The following VCL variants were observed in gnomAD, a reference collection of about 807,000 sequenced individuals.
VCL encodes epididymis luminal protein 114.
A neutral mutation model predicts 125.7 loss-of-function variants in VCL; 47 were observed. The ratio of observed to expected loss-of-function variants is 0.37; its 90% CI spans 0.30 to 0.48. The LOEUF (loss-of-function observed/expected upper bound fraction) is 0.48, where lower values mean the gene tolerates loss of function less well. Among genes scored for constraint, VCL ranks in the 20% least tolerant of loss-of-function variants. The pLI is 0.99. For synonymous variants in VCL, 458 were observed against 514.6 expected (o/e 0.89, Z 1.49); for missense variants, 1,069 against 1,455.5 (o/e 0.73, Z 4.32).
intron 1 of VCL, among the ~76,000 whole-genome samples, chr10:74,011,970 AG>A (rs1840444743): frequency 6.6e-6 from 1 of 152,364 alleles, no homozygotes; most frequent in Non-Finnish European, 1.5e-5. Flanking sequence ...ATGACTTTTA[AG>A]GGGAAAGTGG....
intron 1 of VCL, among the ~76,000 whole-genome samples, chr10:74,003,995 A>G (rs1267441725): frequency 6.6e-6 from 1 of 152,206 alleles, no homozygotes; most frequent in Admixed American, 6.5e-5. Flanking sequence ...TGCTGGGATT[A>G]TAGGCATGAT....
At position 74,072,788 on chromosome 10, in the gene VCL, G is replaced by C. The variant is rs1456753342; in HGVS notation, c.558G>C (p.Glu186Asp). The part of the protein sequence containing the change: ...DERQQELTHQ[E>D]HRVMLVNSMN... ...GACAGCAGGAGCTCACTCACCAGGA[G>C]CACCGAGTGATGTTGGTGAACTCGA... The change falls in exon 5 of 22, where the codon GAG becomes GAC. Residue 186 changes from glutamate (E) to aspartate (D), a missense_variant. By Grantham distance (45) the Glu-to-Asp change is conservative (BLOSUM62 2). Coordinates refer to ENST00000211998, the MANE Select transcript of VCL (RefSeq NM_014000.3). 2 of 1,614,114 alleles carry C rather than the reference G, an allele frequency of 1.2e-6. No individual in the cohort carries two copies. The highest frequency in any genetic ancestry group is 4.5e-5 in the East Asian group (2 of 44,872).
chr10:74,086,949 T>C (rs568692167), intron 8 of VCL, among the ~76,000 whole-genome samples: 10 of 152,322 alleles, frequency 6.6e-5, no homozygotes, highest in African/African-American at 2.4e-4. Flanking sequence ...ATAAAATCTT[T>C]CTGTTTTGAA....
chr10:74,084,258 G>A (rs557892232), intron 8 of VCL, among the ~76,000 whole-genome samples: 1 of 152,162 alleles, frequency 6.6e-6, no homozygotes, highest in South Asian at 2.1e-4. Context: ...ACCATGCCTG[G>A]CCTGACTTTA....
rs1350573071 is a variant in VCL at position 74,071,361 on chromosome 10, A to G, written c.499+278A>G. On this transcript the variant is annotated intron_variant, in intron 4 of 21. Transcript: ENST00000211998. The surrounding 1 kb of genome is among the most constrained non-coding windows in gnomAD (Gnocchi z 4.1). ...GTAGGAAATACTTTTCTGTTACTGT[A>G]ATGCTGAAGGCCATCCTGCATCCTG... Among the ~76,000 whole-genome samples, 1 of 152,210 alleles carries G rather than the reference A, an allele frequency of 6.6e-6. No individual in the cohort carries two copies. Among genetic ancestry groups the G allele is most frequent in the African/African-American group, 2.4e-5 (1 of 41,450 alleles).
At chr10:74,080,983 T>C (rs1839665905) in intron 6 of VCL, among the ~76,000 whole-genome samples, 1 of 152,234 alleles carries the variant, frequency 6.6e-6, no homozygotes, top group Non-Finnish European at 1.5e-5. Context: ...ATTCAAACCA[T>C]TTGAGAATCA....
intron 21 of VCL, among the ~76,000 whole-genome samples, chr10:74,115,677 A>T (rs1044372375): frequency 2.0e-5 from 3 of 152,138 alleles, no homozygotes; most frequent in Non-Finnish European, 4.4e-5. Context: ...CTCAGGGAGG[A>T]TGAATAGTGC....
intron 2 of VCL, among the ~76,000 whole-genome samples, chr10:74,068,603 G>A (rs140149068): frequency 0.053 from 8,144 of 152,254 alleles, 296 homozygotes; most frequent in Middle Eastern, 0.099. Context: ...GGGATTACAC[G>A]TGTGAGCCAC....
At chr10:74,064,841 T>C (rs1036982432) in intron 2 of VCL, among the ~76,000 whole-genome samples, 1 of 152,218 alleles carries the variant, frequency 6.6e-6, no homozygotes, top group Non-Finnish European at 1.5e-5. Flanking sequence ...GAAGCTAGCC[T>C]AAATATATTT....
chr10:74,068,900 A>G (rs1454825619), intron 2 of VCL, among the ~76,000 whole-genome samples: 2 of 151,988 alleles, frequency 1.3e-5, no homozygotes, highest in East Asian at 3.9e-4. Flanking sequence ...ATATGTGTAT[A>G]TGCTTGTGTA....
chr10:74,106,360 T>C (rs1366335579), intron 16 of VCL, among the ~76,000 whole-genome samples: 1 of 152,110 alleles, frequency 6.6e-6, no homozygotes, highest in African/African-American at 2.4e-5. Context: ...CTTAAAATGC[T>C]TTTTTTTCTT....
intron 2 of VCL, among the ~76,000 whole-genome samples, chr10:74,062,533 G>C (rs1313296547): frequency 2.0e-5 from 3 of 152,022 alleles, no homozygotes; most frequent in African/African-American, 7.3e-5. Context: ...GTGGAGTACA[G>C]TTATGACCAT....
At chr10:74,043,244 G>T in intron 2 of VCL, 91 bp downstream of exon 2, 3 of 1,158,020 alleles carry the variant, frequency 2.6e-6, no homozygotes, top group South Asian at 1.4e-5. Flanking sequence ...ACTTTTTTTT[G>T]GTATAAAACT....
At chr10:74,082,737 C>T (rs1460074948) in intron 7 of VCL, among the ~76,000 whole-genome samples, 193 bp downstream of exon 7, 2 of 152,190 alleles carry the variant, frequency 1.3e-5, no homozygotes, top group Non-Finnish European at 1.5e-5. Context: ...GGAATAGATT[C>T]GATCACCTCT....
chr10:74,070,274 A>C (rs1841643674), intron 2 of VCL, among the ~76,000 whole-genome samples: 1 of 152,206 alleles, frequency 6.6e-6, no homozygotes, highest in Non-Finnish European at 1.5e-5. Context: ...TTTTAATAGC[A>C]GTGTGTATAG....
At chr10:73,998,448 C>T (rs1840157723) in intron 1 of VCL, 73 bp downstream of exon 1, 1 of 1,285,720 alleles carries the variant, frequency 7.8e-7, no homozygotes, top group African/African-American at 1.6e-5. Context: ...GTCGCGGCTG[C>T]CTGTGGCCGG....
chr10:74,031,910 C>A (rs1840879937), intron 1 of VCL, among the ~76,000 whole-genome samples: 1 of 151,708 alleles, frequency 6.6e-6, no homozygotes, highest in South Asian at 2.1e-4. Context: ...GCTAAAAATA[C>A]AAAATTAGCC....
intron 2 of VCL, among the ~76,000 whole-genome samples, chr10:74,058,067 A>C (rs773456316): frequency 9.2e-5 from 14 of 152,214 alleles, no homozygotes; most frequent in Non-Finnish European, 1.6e-4. Context: ...AGACCCTGAC[A>C]GGATGGGAAG....
At chr10:74,072,266 A>C (rs1841672446) in intron 4 of VCL, among the ~76,000 whole-genome samples, 1 of 152,170 alleles carries the variant, frequency 6.6e-6, no homozygotes, top group Non-Finnish European at 1.5e-5. Flanking sequence ...CAAATTGGAA[A>C]GTACAGACAA....
Sources: allele counts gnomAD v4.1 joint callset (sites outside exome capture counted in the v4.1 genomes callset), GRCh38; gene constraint gnomAD v4.1.1; non-coding constraint Gnocchi (gnomAD v3.1); transcripts MANE v1.5; gene names NCBI Gene and HGNC (gene_info 2026-07-23, HGNC 2026-07-21).